Variants in DPYSL2 observed in about 807,000 individuals in gnomAD.
DPYSL2 encodes dihydropyrimidinase like 2.
DPYSL2 carries 13 observed loss-of-function variants against 69.9 expected under a neutral mutation model. The observed-to-expected ratio is 0.19, with a 90% CI of 0.12 to 0.30. The LOEUF (loss-of-function observed/expected upper bound fraction) is 0.30. Ranked by LOEUF, DPYSL2 falls within the 10% of genes least tolerant of loss-of-function variation. DPYSL2 has a pLI of 1.00. For synonymous variants in DPYSL2, 326 were observed against 359.1 expected (o/e 0.91, Z 1.04); for missense variants, 587 against 918.9 (o/e 0.64, Z 4.67).
chr8:26,614,791 C>A lies in DPYSL2; in HGVS notation c.629-9352C>A, dbSNP rs1405446653. ...GAGGGCTACTCAAGTGCCTGAAGGT[C>A]CGAGCAGTGAAGAACATGTTTCCAT... On this transcript the variant is annotated intron_variant, in intron 3 of 13. Transcript: ENST00000521913. This position sits in a 1 kb window ranked among gnomAD's most constrained non-coding sequence, Gnocchi z 4.9. 6.6e-6 allele frequency among the ~76,000 whole-genome samples: 1 copy of A among 152,220 alleles called. No homozygotes were observed. The highest frequency in any genetic ancestry group is 6.5e-5 in the Admixed American group (1 of 15,288).
In DPYSL2 at chr8:26,628,494, T is replaced by C. The variant is rs1360332237; in HGVS notation, c.1005+554T>C. Among the ~76,000 whole-genome samples the C allele has an allele frequency of 2.6e-5, 4 of 152,098 alleles. No individual in the cohort carries two copies. In the East Asian group the frequency reaches 7.7e-4, roughly 29 times the overall value. ...GGAGACTCACCGTCTTGGTGAGGTG[T>C]GTGAGTTCGAAGGGAGGGTGCACAC... On this transcript the variant is annotated intron_variant, in intron 7 of 13. Coordinates refer to ENST00000521913, the MANE Select transcript of DPYSL2 (RefSeq NM_001197293.3).
At chr8:26,623,726 T>A (rs1802550435) in intron 3 of DPYSL2, 1 of 169,814 alleles carries the variant, frequency 5.9e-6, no homozygotes, top group African/African-American at 2.4e-5. Context: ...TCCGTGTGGC[T>A]CTGCTCCAGC....
At chr8:26,592,104 C>T (rs1239658493) in intron 3 of DPYSL2, among the ~76,000 whole-genome samples, 1 of 152,172 alleles carries the variant, frequency 6.6e-6, no homozygotes, top group Non-Finnish European at 1.5e-5. Context: ...CTTTTTATGA[C>T]AGCCCATAAT....
rs1563388560 is a variant in DPYSL2 at position 26,564,775 on chromosome 8, A to ATTT, written c.355-17194_355-17193insTTT. On this transcript the variant is annotated intron_variant, in intron 1 of 13. Coordinates refer to ENST00000521913, the MANE Select transcript of DPYSL2 (RefSeq NM_001197293.3). This position sits in a 1 kb window ranked among gnomAD's most constrained non-coding sequence, Gnocchi z 4.8. ...TCTTTTTAAAAGAATTTTTTTTTTA[A>ATTT]AAAATTTCAATAGCTTTTGGGATAC... Among the ~76,000 whole-genome samples, 349 of 151,522 alleles carry ATTT rather than the reference A, an allele frequency of 2.3e-3. 2 individuals are homozygous for ATTT. The highest frequency in any genetic ancestry group is 6.8e-3 in the African/African-American group (281 of 41,346).
At chr8:26,601,465 C>T (rs928865738) in intron 3 of DPYSL2, among the ~76,000 whole-genome samples, 3 of 152,080 alleles carry the variant, frequency 2.0e-5, no homozygotes, top group Non-Finnish European at 2.9e-5. Context: ...GCAAGCTCCG[C>T]CTCCTGGGTT....
intron 1 of DPYSL2, among the ~76,000 whole-genome samples, chr8:26,523,693 C>A (rs1361627110): frequency 6.6e-6 from 1 of 151,816 alleles, no homozygotes; most frequent in African/African-American, 2.4e-5. Context: ...CAGGGTCTTG[C>A]TCTGTCACCC....
At chr8:26,611,540 C>G (rs1218618118) in intron 3 of DPYSL2, among the ~76,000 whole-genome samples, 7 of 152,226 alleles carry the variant, frequency 4.6e-5, no homozygotes. Flanking sequence ...GTTTCTCCCA[C>G]TGGTGGAAGG....
chr8:26,532,325 C>T (rs1299727685), intron 1 of DPYSL2, among the ~76,000 whole-genome samples: 1 of 152,236 alleles, frequency 6.6e-6, no homozygotes, highest in East Asian at 1.9e-4. Context: ...CAAGTGGTAG[C>T]AGGGTCTACT....
intron 7 of DPYSL2, among the ~76,000 whole-genome samples, chr8:26,628,735 G>A (rs1802673253): frequency 6.6e-6 from 1 of 152,166 alleles, no homozygotes; most frequent in Admixed American, 6.5e-5. Context: ...AAAGGGACTG[G>A]CGCCGAGCAG....
rs1047291616 is a variant in DPYSL2 at position 26,580,677 on chromosome 8, T to C, written c.355-1292T>C. On this transcript the variant is annotated intron_variant, in intron 1 of 13. Transcript: ENST00000521913. This position sits in a 1 kb window ranked among gnomAD's most constrained non-coding sequence, Gnocchi z 4.1. ...AAGATTTTCTATGATTTCCTTTTCTTGGTAGCTGCTAAAGAGAGGTAGCAC... is the reference window on the plus strand; with the variant it reads ...AAGATTTTCTATGATTTCCTTTTCTCGGTAGCTGCTAAAGAGAGGTAGCAC... Among the ~76,000 whole-genome samples the C allele has an allele frequency of 6.6e-6, 1 of 152,236 alleles. No individual in the cohort carries two copies. The highest frequency in any genetic ancestry group is 1.5e-5 in the Non-Finnish European group (1 of 68,044).
At position 26,571,347 on chromosome 8, in the gene DPYSL2, T is replaced by C. The variant is rs1801232184; in HGVS notation, c.355-10622T>C. ...TGGGCACACCAACGGAAACAAGTGA[T>C]CTCCAAGGCCCTGCCCTGGCTTGGA... is the stretch of plus-strand genomic sequence containing the variant. On this transcript the variant is annotated intron_variant, in intron 1 of 13. Coordinates refer to ENST00000521913, the MANE Select transcript of DPYSL2 (RefSeq NM_001197293.3). This position sits in a 1 kb window ranked among gnomAD's most constrained non-coding sequence, Gnocchi z 6.1. 6.6e-6 allele frequency among the ~76,000 whole-genome samples: 1 copy of C among 152,174 alleles called. No individual in the cohort carries two copies. Among genetic ancestry groups the C allele is most frequent in the Middle Eastern group, 3.4e-3 (1 of 294 alleles).
In DPYSL2 at chr8:26,578,497, A is replaced by G. The variant is rs980459016; in HGVS notation, c.355-3472A>G. 12 of 1,436,052 alleles carry G rather than the reference A, an allele frequency of 8.4e-6. No individual in the cohort carries two copies. In the African/African-American group the frequency reaches 1.1e-4, roughly 14 times the overall value. 89.0% of individuals were successfully genotyped at this position (1,436,052 alleles called of 1,614,324 possible). On this transcript the variant is annotated intron_variant, in intron 1 of 13. Transcript: ENST00000521913. The stretch of plus-strand genomic sequence containing the variant: ...TTAGAAGTCGCATCGTTTGCAAGGC[A>G]TTAAACAGGAGCGCGAGTGCACGAA...
At chr8:26,563,488 T>C (rs1801104953) in intron 1 of DPYSL2, among the ~76,000 whole-genome samples, 1 of 152,204 alleles carries the variant, frequency 6.6e-6, no homozygotes, top group Non-Finnish European at 1.5e-5. Flanking sequence ...GTTCTGCTAC[T>C]TCCTCCAGAG....
chr8:26,603,069 GA>G (rs1802028344), intron 3 of DPYSL2, among the ~76,000 whole-genome samples: 1 of 152,206 alleles, frequency 6.6e-6, no homozygotes, highest in Non-Finnish European at 1.5e-5. Flanking sequence ...CTCCGGATTT[GA>G]CCATAGGATG....
In DPYSL2 at chr8:26,643,785, A is replaced by G. The variant is rs1439205981; in HGVS notation, c.1284-165A>G. On this transcript the variant is annotated intron_variant, in intron 9 of 13. Transcript: ENST00000521913. This position sits in a 1 kb window ranked among gnomAD's most constrained non-coding sequence, Gnocchi z 6.5. ...ACCATTTTGGGAGGGGATTCTGGAT[A>G]AAAACCTGGGCCATGTTGAAAGTCA... Among the ~76,000 whole-genome samples, 39 of 152,234 alleles carry G rather than the reference A, an allele frequency of 2.6e-4. No individual in the cohort carries two copies. Among genetic ancestry groups the G allele is most frequent in the Admixed American group, 2.4e-3 (36 of 15,284 alleles).
intron 3 of DPYSL2, among the ~76,000 whole-genome samples, chr8:26,590,078 C>T (rs1353889917): frequency 6.6e-6 from 1 of 152,182 alleles, no homozygotes; most frequent in African/African-American, 2.4e-5. Flanking sequence ...CACGTGTGAA[C>T]GCATGCACAC....
At chr8:26,544,122 C>T (rs559019837) in intron 1 of DPYSL2, among the ~76,000 whole-genome samples, 143 of 152,204 alleles carry the variant, frequency 9.4e-4, no homozygotes, top group Admixed American at 3.7e-3. Context: ...TTTACTAACC[C>T]TACTTTTGTC....
chr8:26,532,788 G>A (rs909051289), intron 1 of DPYSL2, among the ~76,000 whole-genome samples: 2 of 152,106 alleles, frequency 1.3e-5, no homozygotes, highest in African/African-American at 2.4e-5. Flanking sequence ...AGGTAGTTGG[G>A]TTGTTTCCAC....
At chr8:26,579,289 C>A (rs919167695) in intron 1 of DPYSL2, among the ~76,000 whole-genome samples, 2 of 152,262 alleles carry the variant, frequency 1.3e-5, no homozygotes, top group African/African-American at 4.8e-5. Flanking sequence ...AGATCAGCAC[C>A]AGTCTTGCTC....
Sources: gnomAD v4.1 joint callset for allele counts (sites outside exome capture counted in the v4.1 genomes callset) on GRCh38, gnomAD v4.1.1 for gene constraint, Gnocchi (gnomAD v3.1) non-coding constraint, MANE v1.5 for transcripts, NCBI Gene and HGNC (gene_info 2026-07-23, HGNC 2026-07-21) for gene names.